The following GPAM variants were observed in gnomAD, a reference collection of about 807,000 sequenced individuals.
GPAM encodes the protein glycerol-3-phosphate acyltransferase, mitochondrial.
In GPAM, 56 loss-of-function variants were observed where a neutral mutation model predicts 105.0. That is an observed-to-expected ratio of 0.53 (90% CI 0.43 to 0.67). GPAM has a LOEUF of 0.67. GPAM is among the 30% of genes least tolerant of loss of function. The probability of loss-of-function intolerance (pLI) is 0.00; values close to 1 mark genes in which losing one functional copy is unlikely to be tolerated. For synonymous variants in GPAM, 368 were observed against 354.4 expected (o/e 1.04, Z -0.43); for missense variants, 855 against 989.8 (o/e 0.86, Z 1.83).
At chr10:112,168,784 A>T in intron 10 of GPAM, 69 bp downstream of exon 10, 1 of 1,001,772 alleles carries the variant, frequency 1.0e-6, no homozygotes, top group Non-Finnish European at 1.6e-6. Context: ...TCAACTCAAA[A>T]GAGTCATTTT....
intron 6 of GPAM, among the ~76,000 whole-genome samples, chr10:112,175,153 T>A (rs1004981467): frequency 7.9e-5 from 12 of 152,206 alleles, no homozygotes; most frequent in African/African-American, 2.9e-4. Flanking sequence ...AAGGCAGTAA[T>A]TCATTCTGTT....
chr10:112,154,443 T>A (rs1846978230), intron 21 of GPAM, 186 bp downstream of exon 21: 4 of 619,968 alleles, frequency 6.5e-6, no homozygotes, highest in Non-Finnish European at 1.2e-5. Flanking sequence ...TCTACACTGA[T>A]GGGCTTCACC....
At chr10:112,158,452 G>A (rs374014403) in intron 17 of GPAM, 59 bp from the exon 18 acceptor site, 286 of 1,067,814 alleles carry the variant, frequency 2.7e-4, no homozygotes, top group Admixed American at 1.1e-3. Context: ...TTTTTTAAAC[G>A]CAGAAAACAT....
chr10:112,212,789 A>C (rs1342130095), intron 1 of GPAM, among the ~76,000 whole-genome samples: 1 of 152,186 alleles, frequency 6.6e-6, no homozygotes, highest in Non-Finnish European at 1.5e-5. Context: ...CCTCTACCTC[A>C]TAAGGAGGAA....
rs117507511 is a variant in GPAM at position 112,202,002 on chromosome 10, T to C, written n.210+13166A>G. On this transcript the variant is annotated intron_variant and non_coding_transcript_variant, in intron 1 of 3. Coordinates refer to the GPAM transcript ENST00000480130. The stretch of plus-strand genomic sequence containing the variant: ...AGATAGGTATTTATCATTCCCATGG[T>C]ACAGGTTAGGTTTTGCAGAGAGCTT... Among the ~76,000 whole-genome samples the C allele has an allele frequency of 8.7e-3, 1,318 of 152,340 alleles. 10 individuals carry two copies. Among genetic ancestry groups the C allele is most frequent in the Non-Finnish European group, 0.014 (986 of 68,028 alleles).
upstream of GPAM, among the ~76,000 whole-genome samples, chr10:112,218,888 T>A (rs1190344946): frequency 6.6e-6 from 1 of 152,174 alleles, no homozygotes; most frequent in South Asian, 2.1e-4. Context: ...TAATGAGCAG[T>A]GAGGATGACC....
chr10:112,221,528 C>T, the GPAM span, among the ~76,000 whole-genome samples: 4 of 152,124 alleles, frequency 2.6e-5, no homozygotes, highest in African/African-American at 9.7e-5. Context: ...ATTATGATGC[C>T]CACTCAAATT....
At chr10:112,169,423 C>T (rs933948333) in intron 9 of GPAM, among the ~76,000 whole-genome samples, 1 of 152,266 alleles carries the variant, frequency 6.6e-6, no homozygotes, top group East Asian at 1.9e-4. Flanking sequence ...ACAGAGGATC[C>T]TTGTGAGACA....
chr10:112,198,676 A>G (rs113178308), intron 1 of GPAM, among the ~76,000 whole-genome samples: 7 of 152,208 alleles, frequency 4.6e-5, no homozygotes, highest in Admixed American at 2.6e-4. Flanking sequence ...TTCTGGATGC[A>G]TATCCAAACG....
chr10:112,216,168 C>A (rs145838131), upstream of GPAM, among the ~76,000 whole-genome samples: 658 of 152,308 alleles, frequency 4.3e-3, 6 homozygotes, highest in Non-Finnish European at 3.5e-3. Flanking sequence ...GGTAGACAAA[C>A]CCTCAAAGGG....
rs1847035734 is a variant in GPAM at position 112,157,338 on chromosome 10, T to A, written c.2032A>T (p.Lys678Ter). ...SPSLAEQQWD[K>*]KLPEPLSWRS... is the part of the protein sequence containing the mutation. ...CAAGACAAAGGTTCTGGAAGCTTCT[T>A]GTCCCACTGCTGCTCAGCAAGACTA... Residue 678 changes from lysine to a stop codon, truncating the protein, a stop_gained, in exon 19 of 22, where the codon AAG (lysine) becomes TAG (stop). Transcript: ENST00000348367. LOFTEE classifies it high-confidence loss of function. The A allele has an allele frequency of 6.2e-6, 10 of 1,613,436 alleles. No homozygotes were observed. Among genetic ancestry groups the A allele is most frequent in the Non-Finnish European group, 8.5e-6 (10 of 1,179,420 alleles).
At chr10:112,165,975 AAC>A (rs1285329990) in intron 12 of GPAM, among the ~76,000 whole-genome samples, 1 of 152,148 alleles carries the variant, frequency 6.6e-6, no homozygotes, top group Non-Finnish European at 1.5e-5. Flanking sequence ...TAATTGGGAT[AAC>A]CATCACCTCA....
Position 112,150,976 on chromosome 10 carries a change from G to C in GPAM, c.*2574C>G, listed in dbSNP as rs1356311733. ...AGACTCGAAGCCATCTCAGTTAACA[G>C]TTCTACACATTTCCCACTAGTTTTT... On this transcript the variant is annotated 3_prime_UTR_variant, in exon 22 of 22. Coordinates refer to ENST00000348367, the MANE Select transcript of GPAM (RefSeq NM_001244949.2). The C allele has an allele frequency of 1.0e-6, 1 of 985,002 alleles. No homozygotes were observed. The highest frequency in any genetic ancestry group is 1.2e-6 in the Non-Finnish European group (1 of 829,324). The allele number at this position is 985,002 out of a possible 1,614,324, so 61.0% of individuals were successfully genotyped here.
At chr10:112,162,108 C>T (rs1385931755) in intron 14 of GPAM, among the ~76,000 whole-genome samples, 1 of 152,224 alleles carries the variant, frequency 6.6e-6, no homozygotes, top group East Asian at 1.9e-4. Flanking sequence ...CTCCCACCTA[C>T]AGTCTATTAT....
At chr10:112,158,920 C>A (rs1847068742) in intron 17 of GPAM, among the ~76,000 whole-genome samples, 1 of 152,200 alleles carries the variant, frequency 6.6e-6, no homozygotes, top group Admixed American at 6.5e-5. Context: ...GATTCCCCAA[C>A]AGGACCACGA....
chr10:112,224,972 A>G, the GPAM span, among the ~76,000 whole-genome samples: 1 of 152,152 alleles, frequency 6.6e-6, no homozygotes, highest in Non-Finnish European at 1.5e-5. Flanking sequence ...CAGAATGCAT[A>G]TAGCCTTCTC....
intron 1 of GPAM, among the ~76,000 whole-genome samples, chr10:112,197,021 G>C (rs1281836287): frequency 6.6e-6 from 1 of 152,106 alleles, no homozygotes; most frequent in Non-Finnish European, 1.5e-5. Flanking sequence ...AACTGCTATA[G>C]GTAATCAATG....
Position 112,156,043 on chromosome 10 carries a change from G to T in GPAM, c.2132C>A (p.Ser711Tyr). The T allele has an allele frequency of 6.2e-7, 1 of 1,611,608 alleles. No individual in the cohort carries two copies. Among genetic ancestry groups the T allele is most frequent in the South Asian group, 1.1e-5 (1 of 90,916 alleles). The change falls in exon 20 of 22, where the codon TCC becomes TAC. Residue 711 changes from serine to tyrosine, a missense_variant. Ser to Tyr is a moderately radical substitution (Grantham distance 144, BLOSUM62 -2). Coordinates refer to ENST00000348367, the MANE Select transcript of GPAM (RefSeq NM_001244949.2). ...QRDCYLKVSQ[S>Y]KEHQQFITFL... ...GGTGATAAACTGCTGGTGCTCCTTGGATTGGCTCACCTGAGTGTGCAAAAG... is the reference window on the plus strand; with the variant it reads ...GGTGATAAACTGCTGGTGCTCCTTGTATTGGCTCACCTGAGTGTGCAAAAG...
At chr10:112,154,523 C>G in intron 21 of GPAM, 106 bp downstream of exon 21, 3 of 829,008 alleles carry the variant, frequency 3.6e-6, no homozygotes, top group Non-Finnish European at 6.3e-6. Flanking sequence ...CCAGCAGAAA[C>G]TGCTTCTCTC....
Sources: gnomAD v4.1 joint callset for allele counts (sites outside exome capture counted in the v4.1 genomes callset) on GRCh38, gnomAD v4.1.1 for gene constraint, MANE v1.5 for transcripts, NCBI Gene and HGNC (gene_info 2026-07-23, HGNC 2026-07-21) for gene names.